GFM2: variants seen among roughly 807,000 people sequenced by gnomAD.
GFM2 encodes ribosome-releasing factor 2, mitochondrial.
GFM2 carries 72 observed loss-of-function variants against 95.4 expected under a neutral mutation model. That is an observed-to-expected ratio of 0.76 (90% confidence interval 0.62 to 0.92). The LOEUF (loss-of-function observed/expected upper bound fraction) is 0.92, where lower values mean the gene tolerates loss of function less well. Ranked by LOEUF, GFM2 falls within the 40% of genes least tolerant of loss-of-function variation. GFM2 has a pLI of 0.00. For missense variants in GFM2, 825 were observed against 924.1 expected (o/e 0.89, Z 1.39); for synonymous variants, 276 against 317.5 (o/e 0.87, Z 1.39).
chr5:74,728,902 C>G lies in GFM2; in HGVS notation c.1726+1358G>C, dbSNP rs1351485597. Among the ~76,000 whole-genome samples the G allele has an allele frequency of 2.6e-5, 4 of 151,788 alleles. No individual in the cohort carries two copies. In the East Asian group the frequency reaches 5.8e-4, roughly 22 times the overall value. On this transcript the variant is annotated intron_variant, in intron 17 of 20. Transcript: ENST00000296805. ...TCCTGAGTAGCTGGGATTATAGGCACTCGCCACCATTCCCAGCTAGTTTTT... is the reference window on the plus strand; with the variant it reads ...TCCTGAGTAGCTGGGATTATAGGCAGTCGCCACCATTCCCAGCTAGTTTTT...
At chr5:74,748,177 T>G (rs1451202853) in intron 7 of GFM2, among the ~76,000 whole-genome samples, 2 of 152,242 alleles carry the variant, frequency 1.3e-5, no homozygotes, top group African/African-American at 2.4e-5. Context: ...AGGTTTCTGA[T>G]CTATGAAATA....
rs377216980 is a variant in GFM2 at position 74,725,775 on chromosome 5, T to G, written c.1913-20A>C. On this transcript the variant is annotated intron_variant, in intron 18 of 20. Coordinates refer to ENST00000296805, the MANE Select transcript of GFM2 (RefSeq NM_032380.5). Reference sequence around the variant, plus strand: ...ATGGTCCTAGACAAGGGAAAAAAATTGTATCATACTCTGCTAGATGTGAAG... The same window carrying G: ...ATGGTCCTAGACAAGGGAAAAAAATGGTATCATACTCTGCTAGATGTGAAG... The G allele has an allele frequency of 1.3e-6, 2 of 1,557,626 alleles. No individual in the cohort carries two copies. The highest frequency in any genetic ancestry group is 2.7e-5 in the African/African-American group (2 of 73,750).
At chr5:74,760,165 A>G (rs563602857) in intron 3 of GFM2, among the ~76,000 whole-genome samples, 2 of 152,300 alleles carry the variant, frequency 1.3e-5, no homozygotes, top group African/African-American at 2.4e-5. Flanking sequence ...AGAATTTTAT[A>G]TTATTTTTGA....
At chr5:74,765,976 G>A (rs1744568831) in intron 1 of GFM2, among the ~76,000 whole-genome samples, 1 of 151,940 alleles carries the variant, frequency 6.6e-6, no homozygotes. Context: ...TCCAGCCTGT[G>A]CGACAAGATT....
In GFM2 at chr5:74,725,717, T is replaced by C. The variant is rs761087477; in HGVS notation, c.1951A>G (p.Thr651Ala). The C allele has an allele frequency of 1.2e-6, 2 of 1,613,856 alleles. No individual in the cohort carries two copies. The highest frequency in any genetic ancestry group is 2.2e-5 in the South Asian group (2 of 91,066). ...LGSPIQDVAI[T>A]LHSLTIHPGT... is the part of the protein sequence containing the mutation. ...GGATGAATTGTCAGGGAATGTAAAG[T>C]AATTGCTACATCCTGAATTGGGGAT... The change falls in exon 19 of 21, where the codon ACT becomes GCT. Residue 651 changes from threonine to alanine, a missense_variant. Physicochemically the swap from Thr to Ala is moderately conservative, Grantham distance 58. Transcript: ENST00000296805.
In GFM2 at chr5:74,746,097, CA is replaced by C. The variant is rs768851169; in HGVS notation, c.669+7del. 162 of 1,533,236 alleles carry C rather than the reference CA, an allele frequency of 1.1e-4. No individual in the cohort carries two copies. The African/African-American group carries it at 1.9e-3, about 18-fold the overall frequency. The allele number at this position is 1,533,236 out of a possible 1,614,324, so 95.0% of individuals were successfully genotyped here. A position where few individuals can be genotyped will look rare whatever the true frequency, so the allele number is the denominator to read the frequency against. On this transcript the variant is annotated splice_region_variant and intron_variant, in intron 9 of 20. Transcript: ENST00000296805. ...CTGAGAAGAAGCTGATGCTATTAAC[CA>C]ATTTACCTGTAAAAGCAAAGGCTTT...
chr5:74,765,866 G>T (rs959088771), intron 1 of GFM2, among the ~76,000 whole-genome samples: 6 of 152,102 alleles, frequency 3.9e-5, no homozygotes, highest in African/African-American at 1.4e-4. Flanking sequence ...GGGTGTGGTG[G>T]CGAGCGCCTA....
chr5:74,754,841 C>T lies in GFM2; in HGVS notation c.305-3348G>A, dbSNP rs116523183. On this transcript the variant is annotated intron_variant, in intron 5 of 20. Transcript: ENST00000296805. ...ACAAAGAAACAATGGACTGGCCAGG[C>T]GCAGTGGCTCATGCATGTCATCCCA... Among the ~76,000 whole-genome samples, 1,266 of 152,238 alleles carry T rather than the reference C, an allele frequency of 8.3e-3. 12 individuals carry two copies. Among genetic ancestry groups the T allele is most frequent in the Non-Finnish European group, 0.013 (904 of 68,012 alleles).
chr5:74,761,673 T>C (rs1020382413), intron 2 of GFM2, among the ~76,000 whole-genome samples: 1 of 152,152 alleles, frequency 6.6e-6, no homozygotes, highest in African/African-American at 2.4e-5. Context: ...TGAGAATCAC[T>C]GAGTTAGAGC....
chr5:74,732,899 T>A (rs1742640751), intron 16 of GFM2, 123 bp downstream of exon 16: 1 of 500,420 alleles, frequency 2.0e-6, no homozygotes, highest in East Asian at 3.3e-5. Context: ...GAAAGGTTTT[T>A]CTTTCAGGAC....
At chr5:74,764,620 A>T (rs1300484289) in intron 1 of GFM2, among the ~76,000 whole-genome samples, 1 of 151,608 alleles carries the variant, frequency 6.6e-6, no homozygotes, top group Admixed American at 6.6e-5. Context: ...GTGTTAAACC[A>T]TTGTGATCCA....
chr5:74,755,268 A>G (rs1415825739), intron 5 of GFM2, among the ~76,000 whole-genome samples: 1 of 152,200 alleles, frequency 6.6e-6, no homozygotes, highest in East Asian at 1.9e-4. Flanking sequence ...AAAGTTAAGA[A>G]AATCAAAATT....
At chr5:74,763,142 A>C (rs1033045703) in intron 2 of GFM2, among the ~76,000 whole-genome samples, 5 of 152,208 alleles carry the variant, frequency 3.3e-5, no homozygotes, top group African/African-American at 4.8e-5. Flanking sequence ...TTTGAAGAGG[A>C]TTCAGGAGTC....
chr5:74,750,460 C>T (rs1197036960), intron 7 of GFM2, 119 bp downstream of exon 7: 3 of 588,456 alleles, frequency 5.1e-6, no homozygotes, highest in South Asian at 2.2e-5. Context: ...TTCCTTTTAC[C>T]ATTATTTGAT....
intron 15 of GFM2, 156 bp downstream of exon 15, chr5:74,736,640 C>T: frequency 2.1e-6 from 3 of 1,440,482 alleles, no homozygotes; most frequent in South Asian, 1.5e-5. Context: ...AAAATCAAAA[C>T]ATCTTAAAAA....
At chr5:74,744,190 A>G (rs1477965917) in intron 10 of GFM2, among the ~76,000 whole-genome samples, 1 of 107,908 alleles carries the variant, frequency 9.3e-6, no homozygotes, top group Non-Finnish European at 1.9e-5. Context: ...AAATCCATAC[A>G]GCATGTTACT....
At chr5:74,765,068 G>A (rs972764013) in intron 1 of GFM2, 14 of 1,229,640 alleles carry the variant, frequency 1.1e-5, no homozygotes, top group Non-Finnish European at 1.4e-5. Flanking sequence ...TTACAGGCGT[G>A]AGCCACCATG....
At chr5:74,735,390 C>T (rs1742781458) in intron 15 of GFM2, among the ~76,000 whole-genome samples, 1 of 152,170 alleles carries the variant, frequency 6.6e-6, no homozygotes, top group Non-Finnish European at 1.5e-5. Context: ...AGGGATCTTC[C>T]TTCTTTCTCC....
intron 19 of GFM2, among the ~76,000 whole-genome samples, chr5:74,722,971 AAACATTATGT>A (rs1749983581): frequency 6.6e-6 from 1 of 152,220 alleles, no homozygotes; most frequent in Admixed American, 6.5e-5. Flanking sequence ...AAGGTAGTAG[AAACATTATGT>A]AAAATCTTTT....
Sources: gnomAD v4.1 joint callset for allele counts (sites outside exome capture counted in the v4.1 genomes callset) on GRCh38, gnomAD v4.1.1 for gene constraint, MANE v1.5 for transcripts, NCBI Gene and HGNC (gene_info 2026-07-23, HGNC 2026-07-21) for gene names.